Variants in PCSK2 observed in about 807,000 individuals in gnomAD.
The protein encoded by PCSK2 is neuroendocrine convertase 2.
A neutral mutation model predicts 69.7 loss-of-function variants in PCSK2; 14 were observed. The observed-to-expected ratio is 0.20, with a 90% CI of 0.13 to 0.31. The LOEUF (loss-of-function observed/expected upper bound fraction) is 0.31, where lower values mean the gene tolerates loss of function less well. PCSK2 is among the 10% of genes least tolerant of loss of function. The pLI, the probability that PCSK2 is intolerant of heterozygous loss-of-function variation, is 1.00. For missense variants in PCSK2, 544 were observed against 842.5 expected, an observed-to-expected ratio of 0.65 and a Z score of 4.39; for synonymous variants, 307 against 320.7, an observed-to-expected ratio of 0.96 and a Z score of 0.46.
chr20:17,325,012 A>T (rs571294295), intron 2 of PCSK2, among the ~76,000 whole-genome samples: 1 of 152,148 alleles, frequency 6.6e-6, no homozygotes, highest in Admixed American at 6.5e-5. Flanking sequence ...CTGCCCAGTC[A>T]AACTCCTCTT....
At chr20:17,335,427 T>TTGTGTG (rs56275148) in intron 2 of PCSK2, among the ~76,000 whole-genome samples, 2,925 of 139,196 alleles carry the variant, frequency 0.021, 44 homozygotes, top group East Asian at 0.031. Context: ...CAGCATCACT[T>TTGTGTG]TGTGTGTGTG....
rs937632328 is a variant in PCSK2, at chr20:17,453,687, G to A, written c.886-55G>A. The stretch of plus-strand genomic sequence containing the variant: ...AACCCCTGGGCTGGAGACCTCCCCT[G>A]CCCCCTCGCAGCCCAGGCTGTGGGT... On this transcript the variant is annotated intron_variant, in intron 8 of 11. Transcript: ENST00000262545. This position sits in a 1 kb window ranked among gnomAD's most constrained non-coding sequence, Gnocchi z 4.0. The A allele has an allele frequency of 1.3e-6, 2 of 1,598,640 alleles. No individual in the cohort carries two copies. The highest frequency in any genetic ancestry group is 1.3e-5 in the African/African-American group (1 of 74,920).
At chr20:17,264,533 G>A (rs552734963) in intron 2 of PCSK2, among the ~76,000 whole-genome samples, 103 of 152,246 alleles carry the variant, frequency 6.8e-4, no homozygotes, top group African/African-American at 2.2e-3. Flanking sequence ...GCAGCCACAC[G>A]TTCTGGTAGT....
chr20:17,432,196 A>C (rs1289674782), intron 7 of PCSK2, among the ~76,000 whole-genome samples: 1 of 152,066 alleles, frequency 6.6e-6, no homozygotes, highest in Non-Finnish European at 1.5e-5. Flanking sequence ...TCTGTTCATA[A>C]ATTTTTCTCA....
At chr20:17,477,342 T>C (rs555527407) in intron 11 of PCSK2, among the ~76,000 whole-genome samples, 20 of 151,908 alleles carry the variant, frequency 1.3e-4, no homozygotes, top group Admixed American at 8.5e-4. Flanking sequence ...TATTTATTTA[T>C]TTATTTATTT....
intron 6 of PCSK2, among the ~76,000 whole-genome samples, chr20:17,410,528 T>C (rs2031846593): frequency 6.6e-6 from 1 of 152,214 alleles, no homozygotes; most frequent in South Asian, 2.1e-4. Context: ...AATTTAATTT[T>C]GTAATATTTT....
intron 2 of PCSK2, among the ~76,000 whole-genome samples, chr20:17,264,253 A>G (rs1390217578): frequency 6.6e-6 from 1 of 152,202 alleles, no homozygotes; most frequent in Non-Finnish European, 1.5e-5. Context: ...AAATAACCTG[A>G]ACTTCATTTC....
chr20:17,342,173 C>T (rs965470515), intron 2 of PCSK2, among the ~76,000 whole-genome samples: 4 of 152,350 alleles, frequency 2.6e-5, no homozygotes, highest in African/African-American at 9.6e-5. Context: ...TACACATACA[C>T]ACACACATAC....
At chr20:17,360,346 A>AAT (rs2030349320) in intron 3 of PCSK2, among the ~76,000 whole-genome samples, 186 bp from the exon 4 acceptor site, 1 of 152,030 alleles carries the variant, frequency 6.6e-6, no homozygotes, top group Admixed American at 6.6e-5. Context: ...CAAAAAAAAA[A>AAT]AAATGGAGAG....
chr20:17,432,220 G>T (rs1000687397), intron 7 of PCSK2, among the ~76,000 whole-genome samples: 17 of 151,976 alleles, frequency 1.1e-4, no homozygotes, highest in East Asian at 3.9e-4. Context: ...TTCCATCAAG[G>T]CTCCTGTCTT....
intron 9 of PCSK2, among the ~76,000 whole-genome samples, chr20:17,454,812 A>G (rs556435174): frequency 6.6e-6 from 1 of 152,190 alleles, no homozygotes; most frequent in Admixed American, 6.5e-5. Flanking sequence ...GGACAAAATC[A>G]TTAGTACCAT....
chr20:17,240,313 G>C (rs1007161364), intron 1 of PCSK2, among the ~76,000 whole-genome samples: 4 of 152,074 alleles, frequency 2.6e-5, no homozygotes, highest in African/African-American at 9.7e-5. Flanking sequence ...TCCTACTACA[G>C]GCCCCTCTGA....
chr20:17,459,589 T>C (rs2032979671), intron 10 of PCSK2, among the ~76,000 whole-genome samples: 1 of 152,238 alleles, frequency 6.6e-6, no homozygotes, highest in Admixed American at 6.5e-5. Flanking sequence ...TGTGGTATTA[T>C]TAGTCTTCTA....
At chr20:17,305,134 A>G (rs991189338) in intron 2 of PCSK2, among the ~76,000 whole-genome samples, 1 of 152,164 alleles carries the variant, frequency 6.6e-6, no homozygotes, top group Non-Finnish European at 1.5e-5. Flanking sequence ...ACAAAGCAGC[A>G]TTTTCCAAAA....
At chr20:17,264,518 A>C (rs1987516602) in intron 2 of PCSK2, among the ~76,000 whole-genome samples, 1 of 152,190 alleles carries the variant, frequency 6.6e-6, no homozygotes, top group Non-Finnish European at 1.5e-5. Flanking sequence ...TAATAACCAT[A>C]AAAGGCAGCC....
At chr20:17,425,888 C>T (rs1310853683) in intron 6 of PCSK2, among the ~76,000 whole-genome samples, 1 of 152,166 alleles carries the variant, frequency 6.6e-6, no homozygotes, top group Non-Finnish European at 1.5e-5. Flanking sequence ...TACCCATCTG[C>T]TCACATATTT....
At chr20:17,253,214 G>A (rs1987057063) in intron 1 of PCSK2, among the ~76,000 whole-genome samples, 1 of 152,130 alleles carries the variant, frequency 6.6e-6, no homozygotes, top group African/African-American at 2.4e-5. Context: ...TTAAGATATA[G>A]TTCACATGCC....
chr20:17,351,328 A>T (rs150003809), intron 2 of PCSK2, among the ~76,000 whole-genome samples: 3 of 152,136 alleles, frequency 2.0e-5, no homozygotes, highest in Non-Finnish European at 4.4e-5. Context: ...AATCAAGGAG[A>T]CTCCTCTCTA....
In PCSK2 at chr20:17,272,404, C is replaced by A. The variant is rs897872692; in HGVS notation, c.282+12060C>A. On this transcript the variant is annotated intron_variant, in intron 2 of 11. Coordinates refer to ENST00000262545, the MANE Select transcript of PCSK2 (RefSeq NM_002594.5). ...GTGAACCTACAATTAGCTAAAATTT[C>A]TAGGTTCTTCTAAAATACACTCATA... Among the ~76,000 whole-genome samples, 10 of 152,098 alleles carry A rather than the reference C, an allele frequency of 6.6e-5. 1 individual carries two copies. Among genetic ancestry groups the A allele is most frequent in the African/African-American group, 2.4e-4 (10 of 41,440 alleles).
Sources: gnomAD v4.1 joint callset for allele counts (sites outside exome capture counted in the v4.1 genomes callset) on GRCh38, gnomAD v4.1.1 for gene constraint, Gnocchi (gnomAD v3.1) non-coding constraint, MANE v1.5 for transcripts, NCBI Gene and HGNC (gene_info 2026-07-23, HGNC 2026-07-21) for gene names.